CACNB2: variants seen among roughly 807,000 people sequenced by gnomAD.
CACNB2 encodes voltage-dependent L-type calcium channel subunit beta-2.
A neutral mutation model predicts 73.3 loss-of-function variants in CACNB2; 42 were observed. The ratio of observed to expected loss-of-function variants is 0.57; its 90% CI spans 0.45 to 0.74. The LOEUF (loss-of-function observed/expected upper bound fraction) is 0.74, where lower values mean the gene tolerates loss of function less well. CACNB2 is among the 30% of genes least tolerant of loss of function. CACNB2 has a pLI of 0.00. For synonymous variants in CACNB2, 348 were observed against 310.3 expected (o/e 1.12, Z -1.28); for missense variants, 940 against 853.0 (o/e 1.10, Z -1.27).
chr10:18,318,140 G>T (rs1564431769), intron 2 of CACNB2, among the ~76,000 whole-genome samples: 1 of 151,874 alleles, frequency 6.6e-6, no homozygotes, highest in Non-Finnish European at 1.5e-5. Context: ...ATTTCATATG[G>T]AACCAAAAAA....
intron 3 of CACNB2, among the ~76,000 whole-genome samples, chr10:18,436,609 A>G (rs543502731): frequency 6.6e-6 from 1 of 152,348 alleles, no homozygotes; most frequent in Non-Finnish European, 1.5e-5. Flanking sequence ...CTTGCAAAGC[A>G]TATTTGTTTG....
At chr10:18,478,632 A>G (rs2182345) in intron 3 of CACNB2, among the ~76,000 whole-genome samples, 18,701 of 152,214 alleles carry the variant, frequency 0.12, 1,300 homozygotes, top group Admixed American at 0.18. Flanking sequence ...ACACGGGGAG[A>G]ATCTCAGATT....
intron 3 of CACNB2, among the ~76,000 whole-genome samples, chr10:18,461,786 T>TTTG (rs2047593796): frequency 6.7e-6 from 1 of 148,880 alleles, no homozygotes; most frequent in Non-Finnish European, 1.5e-5. Flanking sequence ...TTTTTTTTTT[T>TTTG]GGCGTTGTAC....
At chr10:18,419,065 C>T (rs1050439287) in intron 3 of CACNB2, among the ~76,000 whole-genome samples, 1 of 152,170 alleles carries the variant, frequency 6.6e-6, no homozygotes, top group African/African-American at 2.4e-5. Flanking sequence ...CTCAGTGACA[C>T]TCATCCCCAG....
intron 2 of CACNB2, chr10:18,340,732 A>G: frequency 1.4e-6 from 2 of 1,469,806 alleles, no homozygotes; most frequent in Non-Finnish European, 1.8e-6. Flanking sequence ...TGGAACAGAG[A>G]GCTGTTGTGA....
intron 2 of CACNB2, among the ~76,000 whole-genome samples, chr10:18,195,468 TGG>T (rs1249464176): frequency 6.6e-6 from 1 of 152,176 alleles, no homozygotes; most frequent in South Asian, 2.1e-4. Context: ...TAGTTCTGGG[TGG>T]GTCAACGAGA....
rs991438042 is a variant in CACNB2, at chr10:18,150,003, A to G, written c.121-880A>G. ...TTAAGAAATTTGGTGAAGATTTGCT[A>G]TGTCCAGGATTCTAACCTGTGTGCT... On this transcript the variant is annotated intron_variant, in intron 1 of 13. Coordinates refer to ENST00000324631, the MANE Select transcript of CACNB2 (RefSeq NM_201596.3). Among the ~76,000 whole-genome samples the G allele has an allele frequency of 3.9e-5, 6 of 152,210 alleles. 1 individual carries two copies. Among genetic ancestry groups the G allele is most frequent in the African/African-American group, 1.4e-4 (6 of 41,462 alleles).
intron 2 of CACNB2, among the ~76,000 whole-genome samples, chr10:18,213,138 G>A (rs2035383951): frequency 6.6e-6 from 1 of 152,170 alleles, no homozygotes; most frequent in South Asian, 2.1e-4. Context: ...CTTGGCGGCA[G>A]GTCCTGTAAC....
In CACNB2 at chr10:18,474,602, A is replaced by G. The variant is rs557323782; in HGVS notation, c.334-23753A>G. 3.9e-5 allele frequency among the ~76,000 whole-genome samples: 6 copies of G among 152,230 alleles called. No homozygotes were observed. The South Asian group carries it at 8.3e-4, about 21-fold the overall frequency. On this transcript the variant is annotated intron_variant, in intron 3 of 13. Transcript: ENST00000324631. ...TAACAGCGCACGGCTCCTGACCTGG[A>G]TGGGTGGCCTTAGATCTGTGAAGCA...
At chr10:18,183,913 C>T (rs1757209) in intron 2 of CACNB2, among the ~76,000 whole-genome samples, 108,315 of 151,582 alleles carry the variant, frequency 0.71, 38,737 homozygotes, top group East Asian at 0.81. Context: ...TCTGCAAGCC[C>T]AGGAGAGTTA....
In CACNB2 at chr10:18,515,333, T is replaced by C. The variant is rs1052539278; in HGVS notation, c.804+964T>C. Among the ~76,000 whole-genome samples the C allele has an allele frequency of 4.6e-5, 7 of 152,080 alleles. No homozygotes were observed. The East Asian group carries it at 1.2e-3, about 25-fold the overall frequency. ...ACCTCCCCCCAAATTTCCCTTTTTT[T>C]CCCCTCTTTTACCCATCAGTTTCCA... On this transcript the variant is annotated intron_variant, in intron 7 of 13. Coordinates refer to ENST00000324631, the MANE Select transcript of CACNB2 (RefSeq NM_201596.3).
At chr10:18,423,653 T>C (rs2132743375) in intron 3 of CACNB2, among the ~76,000 whole-genome samples, 1 of 152,338 alleles carries the variant, frequency 6.6e-6, no homozygotes, top group East Asian at 1.9e-4. Flanking sequence ...ATGTGAAGTT[T>C]GATTATTGCA....
intron 2 of CACNB2, among the ~76,000 whole-genome samples, chr10:18,190,750 G>A (rs1410025992): frequency 6.6e-6 from 1 of 152,158 alleles, no homozygotes; most frequent in East Asian, 1.9e-4. Flanking sequence ...GGTAGCAGTA[G>A]GAGTGATGGG....
chr10:18,161,315 C>T (rs1003359405), intron 2 of CACNB2, among the ~76,000 whole-genome samples: 5 of 152,192 alleles, frequency 3.3e-5, no homozygotes, highest in African/African-American at 9.6e-5. Flanking sequence ...TCCTTAGTAT[C>T]TGTAGAAAAG....
At chr10:18,486,813 G>C (rs2049083470) in intron 3 of CACNB2, among the ~76,000 whole-genome samples, 1 of 152,196 alleles carries the variant, frequency 6.6e-6, no homozygotes, top group South Asian at 2.1e-4. Flanking sequence ...TTTTGGGTCT[G>C]TAGGCCAGAT....
intron 9 of CACNB2, among the ~76,000 whole-genome samples, chr10:18,526,074 A>G (rs1332813749): frequency 6.6e-6 from 1 of 152,236 alleles, no homozygotes; most frequent in African/African-American, 2.4e-5. Context: ...GGCATAAAAT[A>G]ATTAATCAGA....
intron 3 of CACNB2, among the ~76,000 whole-genome samples, chr10:18,402,836 T>C (rs1241334524): frequency 6.6e-6 from 1 of 152,202 alleles, no homozygotes; most frequent in Non-Finnish European, 1.5e-5. Context: ...GGTTGTTGAT[T>C]TTCCTTTGAA....
At chr10:18,437,761 C>T (rs1161032561) in intron 3 of CACNB2, among the ~76,000 whole-genome samples, 2 of 152,130 alleles carry the variant, frequency 1.3e-5, no homozygotes, top group African/African-American at 2.4e-5. Flanking sequence ...TTAAATGTGA[C>T]ATCACCTTAT....
chr10:18,348,926 C>T (rs568648968), intron 2 of CACNB2, among the ~76,000 whole-genome samples: 2 of 152,252 alleles, frequency 1.3e-5, no homozygotes, highest in East Asian at 3.9e-4. Flanking sequence ...TGAGACCAGC[C>T]TGGGCAACAT....
Sources: gnomAD v4.1 joint callset for allele counts (sites outside exome capture counted in the v4.1 genomes callset) on GRCh38, gnomAD v4.1.1 for gene constraint, MANE v1.5 for transcripts, NCBI Gene and HGNC (gene_info 2026-07-23, HGNC 2026-07-21) for gene names.